The following C1orf146 variants were observed in gnomAD, a reference collection of about 807,000 sequenced individuals.
C1orf146 encodes chromosome 1 open reading frame 146, also known as protein SPO16 homolog.
Under a neutral mutation model 23.0 loss-of-function variants are expected in C1orf146, and 22 were observed. The observed-to-expected ratio is 0.96, with a 90% confidence interval of 0.68 to 1.36. C1orf146 has a LOEUF of 1.36. C1orf146 is among the 40% of genes most tolerant of loss of function. The probability of loss-of-function intolerance (pLI) is 0.00; values close to 1 mark genes in which losing one functional copy is unlikely to be tolerated. For missense variants in C1orf146, 199 were observed against 206.8 expected, an observed-to-expected ratio of 0.96 and a Z score of 0.23; for synonymous variants, 59 against 65.3, an observed-to-expected ratio of 0.90 and a Z score of 0.47.
intron 1 of C1orf146, among the ~76,000 whole-genome samples, chr1:92,226,739 T>C (rs896538902): frequency 2.0e-5 from 3 of 152,218 alleles, no homozygotes; most frequent in Non-Finnish European, 4.4e-5. Flanking sequence ...CTTTCAGTTG[T>C]AGAATTTAGT....
intron 2 of C1orf146, among the ~76,000 whole-genome samples, chr1:92,239,753 A>T (rs1652385621): frequency 6.6e-6 from 1 of 151,926 alleles, no homozygotes. Context: ...CCTGTCTCAA[A>T]AAAAAAAAAA....
intron 1 of C1orf146, among the ~76,000 whole-genome samples, chr1:92,219,696 T>G (rs1383634849): frequency 6.6e-6 from 1 of 151,702 alleles, no homozygotes; most frequent in Non-Finnish European, 1.5e-5. Flanking sequence ...CAGGCTGGAG[T>G]ACAGTTGTTA....
intron 2 of C1orf146, among the ~76,000 whole-genome samples, chr1:92,236,185 T>A (rs1417505837): frequency 2.0e-5 from 3 of 152,140 alleles, no homozygotes; most frequent in Non-Finnish European, 4.4e-5. Context: ...CGTTAGTTGA[T>A]GCAGTTTCTT....
At chr1:92,237,519 G>A (rs575935714) in intron 2 of C1orf146, among the ~76,000 whole-genome samples, 30 of 152,300 alleles carry the variant, frequency 2.0e-4, no homozygotes, top group African/African-American at 2.2e-4. Flanking sequence ...TGCCCCTACT[G>A]GGGGGTGCCT....
chr1:92,224,934 G>C (rs1366445104), intron 1 of C1orf146, among the ~76,000 whole-genome samples: 1 of 151,734 alleles, frequency 6.6e-6, no homozygotes, highest in Admixed American at 6.6e-5. Flanking sequence ...GTGGAGACGG[G>C]GTTTCACCAT....
chr1:92,238,168 C>T (rs1476295613), intron 2 of C1orf146, among the ~76,000 whole-genome samples: 2 of 152,084 alleles, frequency 1.3e-5, no homozygotes, highest in Admixed American at 1.3e-4. Context: ...TCCCTGCCTG[C>T]CCCCACAACC....
chr1:92,228,996 A>G, intron 1 of C1orf146: 1 of 466,312 alleles, frequency 2.1e-6, no homozygotes, highest in Non-Finnish European at 4.2e-6. Flanking sequence ...AAAGCTATGC[A>G]TCTGCTCACA....
chr1:92,242,339 T>A (rs1652452053), intron 3 of C1orf146, 34 bp downstream of exon 3: 1 of 1,119,670 alleles, frequency 8.9e-7, no homozygotes, highest in East Asian at 2.4e-5. Context: ...TTAAGTTTCT[T>A]ATGAAATATG....
chr1:92,233,636 A>G (rs1329935460), intron 2 of C1orf146, among the ~76,000 whole-genome samples: 4 of 152,106 alleles, frequency 2.6e-5, no homozygotes, highest in Non-Finnish European at 5.9e-5. Context: ...GTTTTTTCCA[A>G]TTCTGTGAAG....
At chr1:92,242,076 T>C (rs1191190032) in intron 2 of C1orf146, 136 bp from the exon 3 acceptor site, 3 of 476,640 alleles carry the variant, frequency 6.3e-6, no homozygotes, top group South Asian at 3.6e-5. Flanking sequence ...ATAGAAAGCA[T>C]ATTTATTTAT....
intron 2 of C1orf146, among the ~76,000 whole-genome samples, chr1:92,236,675 G>T (rs1396754179): frequency 6.6e-6 from 1 of 152,198 alleles, no homozygotes; most frequent in Non-Finnish European, 1.5e-5. Context: ...GATTGGGGAA[G>T]TTCTCCTGGA....
At chr1:92,222,149 G>A (rs1019805917) in intron 1 of C1orf146, among the ~76,000 whole-genome samples, 1 of 152,178 alleles carries the variant, frequency 6.6e-6, no homozygotes, top group Non-Finnish European at 1.5e-5. Flanking sequence ...GCTGAGGCAC[G>A]AGAACCACTT....
At chr1:92,233,471 C>G (rs1652186919) in intron 2 of C1orf146, among the ~76,000 whole-genome samples, 2 of 152,048 alleles carry the variant, frequency 1.3e-5, no homozygotes, top group African/African-American at 4.8e-5. Flanking sequence ...TGATCTATAT[C>G]TCTGTTTTGG....
chr1:92,242,127 C>T (rs1195767547), intron 2 of C1orf146, 85 bp from the exon 3 acceptor site: 2 of 600,856 alleles, frequency 3.3e-6, no homozygotes, highest in Non-Finnish European at 5.6e-6. Flanking sequence ...TATAAAACAA[C>T]ATATTAAACT....
intron 2 of C1orf146, among the ~76,000 whole-genome samples, chr1:92,234,424 C>A (rs1034642820): frequency 2.0e-5 from 3 of 152,058 alleles, no homozygotes; most frequent in Non-Finnish European, 4.4e-5. Context: ...TATTGATTTG[C>A]GTATATTGAA....
At chr1:92,244,919 T>C in intron 5 of C1orf146, 62 bp downstream of exon 5, 1 of 959,770 alleles carries the variant, frequency 1.0e-6, no homozygotes, top group Admixed American at 1.9e-5. Flanking sequence ...AACTTCCAAT[T>C]GTCACCCTTT....
rs1651939096 is a variant in C1orf146, at chr1:92,225,217, C to T, written c.-39-6165C>T. Among the ~76,000 whole-genome samples the T allele has an allele frequency of 4.0e-5, 6 of 150,692 alleles. No individual in the cohort carries two copies. In the South Asian group the frequency reaches 1.3e-3, roughly 32 times the overall value. ...CCTCCCCAGGCTCAGGTGATCCTCC[C>T]TCCTCAGCCTCCCACGTAGCTGGGA... On this transcript the variant is annotated intron_variant, in intron 1 of 5. Coordinates refer to ENST00000370375, the MANE Select transcript of C1orf146 (RefSeq NM_001012425.2).
intron 1 of C1orf146, among the ~76,000 whole-genome samples, chr1:92,222,535 G>GTTTTTTTTT: frequency 5.5e-4 from 33 of 60,550 alleles, no homozygotes; most frequent in Non-Finnish European, 7.0e-4. Flanking sequence ...CCCTTCTTCG[G>GTTTTTTTTT]TTTTTTTTTT....
chr1:92,218,766 C>G, intron 1 of C1orf146, among the ~76,000 whole-genome samples: 1 of 152,068 alleles, frequency 6.6e-6, no homozygotes, highest in Non-Finnish European at 1.5e-5. Flanking sequence ...GTTCACCTCC[C>G]GTTTAGAAGC....
Sources: gnomAD v4.1 joint callset for allele counts (sites outside exome capture counted in the v4.1 genomes callset) on GRCh38, gnomAD v4.1.1 for gene constraint, MANE v1.5 for transcripts, NCBI Gene and HGNC (gene_info 2026-07-23, HGNC 2026-07-21) for gene names.